Variants in SPAG9 observed in about 807,000 individuals in gnomAD.
The protein encoded by SPAG9 is C-Jun-amino-terminal kinase-interacting protein 4.
In SPAG9, 35 loss-of-function variants were observed where a neutral mutation model predicts 166.5. That is an observed-to-expected ratio of 0.21 (90% CI 0.16 to 0.28). SPAG9 has a LOEUF of 0.28. Among genes scored for constraint, SPAG9 ranks in the 10% least tolerant of loss-of-function variants. The probability of loss-of-function intolerance (pLI) is 1.00; values close to 1 mark genes in which losing one functional copy is unlikely to be tolerated. For missense variants in SPAG9, 1,235 were observed against 1,603.3 expected, an observed-to-expected ratio of 0.77 and a Z score of 3.92; for synonymous variants, 534 against 565.5, an observed-to-expected ratio of 0.94 and a Z score of 0.79.
chr17:50,970,602 A>T (rs1973712341), intron 29 of SPAG9, 105 bp downstream of exon 29: 2 of 938,818 alleles, frequency 2.1e-6, no homozygotes, highest in Non-Finnish European at 3.1e-6. Flanking sequence ...GAGCTCAAAG[A>T]GAACCTCTTA....
chr17:51,050,938 G>C (rs2047161790), intron 3 of SPAG9, among the ~76,000 whole-genome samples: 1 of 145,852 alleles, frequency 6.9e-6, no homozygotes, highest in South Asian at 2.2e-4. Context: ...AAGAGAGAGA[G>C]AAAAAGAGAG....
chr17:51,090,236 A>T (rs1296565542), intron 1 of SPAG9, among the ~76,000 whole-genome samples: 1 of 152,056 alleles, frequency 6.6e-6, no homozygotes, highest in Non-Finnish European at 1.5e-5. Context: ...GTAAGATTCC[A>T]CTTGGCCAGG....
intron 9 of SPAG9, among the ~76,000 whole-genome samples, chr17:51,012,040 G>C (rs2045506456): frequency 6.6e-6 from 1 of 152,080 alleles, no homozygotes; most frequent in African/African-American, 2.4e-5. Flanking sequence ...CTTCATTCTT[G>C]TTAATACAAA....
At chr17:51,095,144 A>C (rs1469252927) in intron 1 of SPAG9, among the ~76,000 whole-genome samples, 1 of 151,830 alleles carries the variant, frequency 6.6e-6, no homozygotes, top group Non-Finnish European at 1.5e-5. Context: ...AAATACAAAA[A>C]AAATTAGCCG....
intron 4 of SPAG9, chr17:51,046,978 A>T: frequency 1.5e-6 from 2 of 1,369,382 alleles, no homozygotes; most frequent in Non-Finnish European, 1.9e-6. Context: ...TACATAATTT[A>T]TTCACACTCC....
chr17:51,041,684 C>T, intron 4 of SPAG9, 33 bp from the exon 5 acceptor site: 2 of 1,607,088 alleles, frequency 1.2e-6, no homozygotes, highest in Non-Finnish European at 1.7e-6. Flanking sequence ...ATTCGGCATT[C>T]ATTTATTTTG....
At chr17:51,114,335 A>T (rs2049217486) in intron 1 of SPAG9, among the ~76,000 whole-genome samples, 1 of 151,994 alleles carries the variant, frequency 6.6e-6, no homozygotes. Context: ...TCAAAAATAA[A>T]TTTTTTAAAA....
At chr17:51,079,817 A>C in intron 1 of SPAG9, 113 bp from the exon 2 acceptor site, 2 of 671,132 alleles carry the variant, frequency 3.0e-6, no homozygotes, top group Non-Finnish European at 4.8e-6. Flanking sequence ...CTTAGATCTC[A>C]GAATTATGAC....
intron 2 of SPAG9, among the ~76,000 whole-genome samples, chr17:51,074,568 G>A (rs116823075): frequency 1.3e-5 from 2 of 152,190 alleles, no homozygotes; most frequent in African/African-American, 4.8e-5. Flanking sequence ...ACTCCCAGGG[G>A]AGAAATTCTT....
At chr17:51,021,853 C>T (rs973332442) in intron 6 of SPAG9, among the ~76,000 whole-genome samples, 3 of 151,928 alleles carry the variant, frequency 2.0e-5, no homozygotes, top group Middle Eastern at 3.2e-3. Context: ...GTTAAAACGC[C>T]GTGGCTCACA....
At chr17:51,047,268 T>C (rs759777461) in intron 4 of SPAG9, 107 bp downstream of exon 4, 1 of 659,168 alleles carries the variant, frequency 1.5e-6, no homozygotes, top group Non-Finnish European at 2.5e-6. Context: ...GGAGAGCTTT[T>C]TGAATCAGCC....
At chr17:51,100,028 A>C (rs2048765010) in intron 1 of SPAG9, among the ~76,000 whole-genome samples, 1 of 152,122 alleles carries the variant, frequency 6.6e-6, no homozygotes, top group East Asian at 1.9e-4. Context: ...TGAACCTGGG[A>C]GGCGGGAGTT....
Position 50,995,073 on chromosome 17 carries a change from A to G in SPAG9, c.2210T>C (p.Leu737Ser). The G allele has an allele frequency of 6.2e-7, 1 of 1,613,332 alleles. No individual in the cohort carries two copies. Among genetic ancestry groups the G allele is most frequent in the Non-Finnish European group, 8.5e-7 (1 of 1,179,572 alleles). The change falls in exon 18 of 30, where the codon TTA becomes TCA. Residue 737 changes from leucine (L) to serine (S), a missense_variant. Leu to Ser is a moderately radical substitution (Grantham distance 145). Coordinates refer to ENST00000262013, the MANE Select transcript of SPAG9 (RefSeq NM_001130528.3). ...RSASQSSLDK[L>S]DQELKEQQKE... ...CACACTTACCTTAAGTTCCTGATCT[A>G]ACTTATCTAAACTACTCTGAGAGGC...
chr17:51,111,413 G>A (rs1045141237), intron 1 of SPAG9, among the ~76,000 whole-genome samples: 1 of 152,160 alleles, frequency 6.6e-6, no homozygotes, highest in African/African-American at 2.4e-5. Context: ...ACATAAGTAA[G>A]CAGCATGTAG....
At chr17:51,028,219 GTAAA>G (rs991139914) in intron 6 of SPAG9, among the ~76,000 whole-genome samples, 3 of 151,156 alleles carry the variant, frequency 2.0e-5, no homozygotes, top group Admixed American at 2.0e-4. Context: ...AGTTTATAAA[GTAAA>G]TAAGTTACAG....
In SPAG9 at chr17:50,990,779, T is replaced by C. The variant is rs975609269; in HGVS notation, c.2399-111A>G. On this transcript the variant is annotated intron_variant, in intron 19 of 29. Coordinates refer to ENST00000262013, the MANE Select transcript of SPAG9 (RefSeq NM_001130528.3). ...GAGTTATGCAGGTGAGATGTACAGG[T>C]AGTTGAATACAGGTAGCATTAAATT... The C allele has an allele frequency of 6.6e-6, 5 of 752,286 alleles. No individual in the cohort carries two copies. In the South Asian group the frequency reaches 7.1e-5, roughly 11 times the overall value. The allele number at this position is 752,286 out of a possible 1,614,324, so 46.6% of individuals were successfully genotyped here.
At chr17:51,006,454 T>C (rs1347664223) in intron 10 of SPAG9, among the ~76,000 whole-genome samples, 1 of 152,158 alleles carries the variant, frequency 6.6e-6, no homozygotes, top group Non-Finnish European at 1.5e-5. Flanking sequence ...AGACAGATCA[T>C]CAATTACTAA....
At chr17:51,026,783 T>A (rs1296822287) in intron 6 of SPAG9, among the ~76,000 whole-genome samples, 1 of 151,680 alleles carries the variant, frequency 6.6e-6, no homozygotes, top group African/African-American at 2.4e-5. Context: ...TTCAAGTGAT[T>A]CTCCTGCCTC....
chr17:51,007,199 C>T (rs992968572), intron 10 of SPAG9, 70 bp downstream of exon 10: 8 of 870,530 alleles, frequency 9.2e-6, no homozygotes, highest in East Asian at 2.6e-5. Context: ...TATGTTAAAA[C>T]GATGAAGTGT....
Sources: gnomAD v4.1 joint callset for allele counts (sites outside exome capture counted in the v4.1 genomes callset) on GRCh38, gnomAD v4.1.1 for gene constraint, MANE v1.5 for transcripts, NCBI Gene and HGNC (gene_info 2026-07-23, HGNC 2026-07-21) for gene names.